DDX31: variants seen among roughly 807,000 people sequenced by gnomAD.
The protein encoded by DDX31 is ATP-dependent DNA helicase DDX31.
A neutral mutation model predicts 91.3 loss-of-function variants in DDX31; 70 were observed. The observed-to-expected ratio is 0.77, with a 90% CI of 0.63 to 0.94. The LOEUF is 0.94. Ranked by LOEUF, DDX31 falls within the 40% of genes least tolerant of loss-of-function variation. The pLI, the probability that DDX31 is intolerant of heterozygous loss-of-function variation, is 0.00. For synonymous variants in DDX31, 362 were observed against 350.6 expected (o/e 1.03, Z -0.36); for missense variants, 902 against 925.0 (o/e 0.98, Z 0.32).
At chr9:132,656,900 G>C (rs1316978280) in intron 6 of DDX31, among the ~76,000 whole-genome samples, 1 of 152,158 alleles carries the variant, frequency 6.6e-6, no homozygotes, top group East Asian at 1.9e-4. Flanking sequence ...CAGGGACAAT[G>C]CTAAGCACTT....
Position 132,593,025 on chromosome 9 carries a change from TATTTAA to T in DDX31, c.*1835_*1840del, listed in dbSNP as rs977074526. The T allele has an allele frequency of 1.7e-4, 26 of 152,350 alleles. No individual in the cohort carries two copies. The highest frequency in any genetic ancestry group is 6.3e-4 in the African/African-American group (26 of 41,582). The allele number at this position is 152,350 out of a possible 1,614,324, so 9.4% of individuals were successfully genotyped here. A position where few individuals can be genotyped will look rare whatever the true frequency, so the allele number is the denominator to read the frequency against. ...AAGAGAAAGAGATTTATTTTAAGGT[TATTTAA>T]ATTTAAACAATATTAACCTTAAATC... is the stretch of plus-strand genomic sequence containing the variant. On this transcript the variant is annotated 3_prime_UTR_variant, in exon 20 of 20. Coordinates refer to ENST00000372159, the MANE Select transcript of DDX31 (RefSeq NM_022779.9).
intron 14 of DDX31, among the ~76,000 whole-genome samples, chr9:132,641,460 T>TA (rs552365938): frequency 6.6e-6 from 1 of 152,208 alleles, no homozygotes; most frequent in Non-Finnish European, 1.5e-5. Flanking sequence ...TTTGAGTTTT[T>TA]AATCTCAAAA....
chr9:132,642,761 T>C (rs1490188530), intron 13 of DDX31, among the ~76,000 whole-genome samples: 2 of 151,846 alleles, frequency 1.3e-5, no homozygotes, highest in African/African-American at 2.4e-5. Context: ...TGTGGTGAAA[T>C]AGTATTCAAC....
intron 19 of DDX31, among the ~76,000 whole-genome samples, chr9:132,601,570 T>C (rs1830722883): frequency 6.6e-6 from 1 of 152,114 alleles, no homozygotes; most frequent in Non-Finnish European, 1.5e-5. Context: ...GCCATTATCA[T>C]CCCCTGCACT....
chr9:132,659,566 A>T, intron 5 of DDX31, 144 bp downstream of exon 5: 2 of 674,628 alleles, frequency 3.0e-6, no homozygotes, highest in Non-Finnish European at 2.6e-6. Context: ...GAACACATTC[A>T]GGGCTCTAAT....
chr9:132,638,470 C>T, intron 14 of DDX31: 5 of 1,468,080 alleles, frequency 3.4e-6, no homozygotes, highest in Non-Finnish European at 4.7e-6. Flanking sequence ...CTTCCAATGA[C>T]TCCTTCTTGC....
chr9:132,650,032 C>T (rs953180626), intron 9 of DDX31, among the ~76,000 whole-genome samples: 1 of 152,082 alleles, frequency 6.6e-6, no homozygotes, highest in Non-Finnish European at 1.5e-5. Flanking sequence ...AGAAGGAAAC[C>T]TGTTTGTAGG....
intron 16 of DDX31, among the ~76,000 whole-genome samples, chr9:132,629,686 G>A (rs906934153): frequency 5.3e-5 from 8 of 152,178 alleles, no homozygotes; most frequent in Non-Finnish European, 1.2e-4. Flanking sequence ...CATTTACAGC[G>A]AGCTGGGCTG....
At chr9:132,632,577 A>T (rs1328160156) in intron 14 of DDX31, among the ~76,000 whole-genome samples, 2 of 152,130 alleles carry the variant, frequency 1.3e-5, no homozygotes, top group East Asian at 3.9e-4. Flanking sequence ...GCCCACAACC[A>T]TGAGCAACGC....
chr9:132,624,145 C>T (rs1017750935), intron 17 of DDX31, among the ~76,000 whole-genome samples: 6 of 119,450 alleles, frequency 5.0e-5, no homozygotes, highest in Admixed American at 3.6e-4. Context: ...CCAGCATGGG[C>T]GACAGAGCGA....
chr9:132,607,953 C>T (rs910934412), intron 19 of DDX31, among the ~76,000 whole-genome samples: 3 of 152,166 alleles, frequency 2.0e-5, no homozygotes, highest in Non-Finnish European at 4.4e-5. Flanking sequence ...ACACGTTCTA[C>T]TTGTGTGACG....
chr9:132,612,148 T>C lies in DDX31; in HGVS notation c.1933A>G (p.Arg645Gly), dbSNP rs754863844. Residue 645 changes from arginine (R) to glycine (G), a missense_variant, in exon 19 of 20, where the codon AGA becomes GGA. Arg to Gly is a moderately radical substitution (Grantham distance 125, BLOSUM62 -2). Transcript: ENST00000372159. ...LGHVAKSFGL[R>G]DAPRNLSALT... ...GCACTAAGATTCCTGGGGGCATCTC[T>C]TAGTCCGAAGCTCTTCGCCACATGC... The C allele has an allele frequency of 1.2e-6, 2 of 1,614,208 alleles. No homozygotes were observed. The highest frequency in any genetic ancestry group is 2.2e-5 in the South Asian group (2 of 91,084).
chr9:132,645,763 G>C, intron 13 of DDX31, 132 bp downstream of exon 13: 1 of 991,484 alleles, frequency 1.0e-6, no homozygotes, highest in Non-Finnish European at 1.4e-6. Context: ...TCTCATTCTT[G>C]ACTTGCCCAG....
intron 18 of DDX31, among the ~76,000 whole-genome samples, chr9:132,616,095 G>A (rs964165087): frequency 6.6e-6 from 1 of 152,134 alleles, no homozygotes; most frequent in Admixed American, 6.5e-5. Context: ...ATTTAGGGTG[G>A]CAAATACGTG....
intron 14 of DDX31, among the ~76,000 whole-genome samples, chr9:132,632,658 A>G (rs11243849): frequency 1.4e-4 from 22 of 151,882 alleles, no homozygotes; most frequent in African/African-American, 5.3e-4. Flanking sequence ...AGTGAAGTGC[A>G]AAGTATTTAC....
chr9:132,669,798 TCGCGGCG>T, intron 1 of DDX31, 55 bp downstream of exon 1: 4 of 1,521,550 alleles, frequency 2.6e-6, no homozygotes, highest in East Asian at 4.9e-5. Flanking sequence ...CGGCTGCAGC[TCGCGGCG>T]CGCCCACAGC....
At chr9:132,623,631 G>A (rs980204825) in intron 17 of DDX31, among the ~76,000 whole-genome samples, 4 of 150,774 alleles carry the variant, frequency 2.7e-5, no homozygotes, top group African/African-American at 7.3e-5. Context: ...GATGAGGAAC[G>A]TGACCCTGAG....
At chr9:132,598,102 T>C (rs186304416) in intron 19 of DDX31, among the ~76,000 whole-genome samples, 47 of 152,196 alleles carry the variant, frequency 3.1e-4, no homozygotes, top group Admixed American at 2.7e-3. Context: ...ACCTCTTCCT[T>C]AGGTGGGAGA....
intron 17 of DDX31, among the ~76,000 whole-genome samples, chr9:132,623,999 T>A (rs1266911199): frequency 6.6e-6 from 1 of 151,770 alleles, no homozygotes; most frequent in African/African-American, 2.4e-5. Context: ...ACCCTGTCTC[T>A]ACTAAAAATA....
Sources: gnomAD v4.1 joint callset for allele counts (sites outside exome capture counted in the v4.1 genomes callset) on GRCh38, gnomAD v4.1.1 for gene constraint, MANE v1.5 for transcripts, NCBI Gene and HGNC (gene_info 2026-07-23, HGNC 2026-07-21) for gene names.